Variants in MTRF1 observed in about 807,000 individuals in gnomAD.
MTRF1 encodes mitochondrial translation release factor 1, also known as peptide chain release factor 1, mitochondrial.
In MTRF1, 51 loss-of-function variants were observed where a neutral mutation model predicts 62.9. The observed-to-expected ratio is 0.81, with a 90% CI of 0.65 to 1.02. The LOEUF is 1.02. Among genes scored for constraint, MTRF1 ranks in the 50% least tolerant of loss-of-function variants. MTRF1 has a pLI of 0.00. For synonymous variants in MTRF1, 158 were observed against 181.9 expected (o/e 0.87, Z 1.06); for missense variants, 446 against 530.0 (o/e 0.84, Z 1.56).
chr13:41,298,163 T>G, the MTRF1 span, among the ~76,000 whole-genome samples: 1 of 152,208 alleles, frequency 6.6e-6, no homozygotes, highest in Non-Finnish European at 1.5e-5. Context: ...ATTGCTTTAG[T>G]TGCAAACTCA....
chr13:41,274,689 A>ATAC, the MTRF1 span, among the ~76,000 whole-genome samples: 1 of 150,290 alleles, frequency 6.7e-6, no homozygotes, highest in South Asian at 2.1e-4. Flanking sequence ...AATAATAATA[A>ATAC]TAATATTATT....
the MTRF1 span, among the ~76,000 whole-genome samples, chr13:41,294,190 C>T: frequency 2.0e-5 from 3 of 152,076 alleles, no homozygotes; most frequent in African/African-American, 7.2e-5. Context: ...GAGGCCAAGG[C>T]AGGCAGATCA....
At chr13:41,245,048 CTTCAT>C (rs1197600522) in intron 5 of MTRF1, among the ~76,000 whole-genome samples, 1 of 152,002 alleles carries the variant, frequency 6.6e-6, no homozygotes, top group Non-Finnish European at 1.5e-5. Context: ...TATTATCTTT[CTTCAT>C]TTCTTCTTGA....
intron 8 of MTRF1, among the ~76,000 whole-genome samples, chr13:41,225,438 C>T (rs1400511205): frequency 1.3e-5 from 2 of 152,102 alleles, no homozygotes; most frequent in African/African-American, 4.8e-5. Flanking sequence ...AGTGTATACA[C>T]TGATGATGCA....
the MTRF1 span, among the ~76,000 whole-genome samples, chr13:41,296,207 A>G: frequency 6.6e-6 from 1 of 152,020 alleles, no homozygotes; most frequent in African/African-American, 2.4e-5. Flanking sequence ...TGACCTCTCA[A>G]TGTGCTGGGA....
chr13:41,287,742 T>G, the MTRF1 span: 1 of 188,414 alleles, frequency 5.3e-6, no homozygotes, highest in African/African-American at 2.4e-5. Context: ...CTCAGACATT[T>G]ACAACAGCAG....
chr13:41,259,704 A>AC (rs1198398268), intron 2 of MTRF1, among the ~76,000 whole-genome samples: 2 of 148,908 alleles, frequency 1.3e-5, no homozygotes, highest in Non-Finnish European at 3.0e-5. Context: ...TCCGTCTCAA[A>AC]AAAAAAAAAA....
At chr13:41,300,889 C>A in the MTRF1 span, among the ~76,000 whole-genome samples, 1 of 152,154 alleles carries the variant, frequency 6.6e-6, no homozygotes, top group Non-Finnish European at 1.5e-5. Flanking sequence ...TGCCTTTAAA[C>A]AATTGCCTGG....
chr13:41,272,263 T>C, the MTRF1 span, among the ~76,000 whole-genome samples: 35 of 152,314 alleles, frequency 2.3e-4, 1 homozygote, highest in Admixed American at 2.0e-3. Context: ...TTCAAGTCAT[T>C]AAAAGCCTTC....
intron 5 of MTRF1, among the ~76,000 whole-genome samples, chr13:41,247,100 G>GT (rs2038369203): frequency 6.6e-6 from 1 of 152,318 alleles, no homozygotes; most frequent in East Asian, 1.9e-4. Flanking sequence ...CTCTCCAAGG[G>GT]TTTTTGTGAG....
At chr13:41,273,727 C>T in the MTRF1 span, among the ~76,000 whole-genome samples, 1 of 152,184 alleles carries the variant, frequency 6.6e-6, no homozygotes, top group South Asian at 2.1e-4. Context: ...ATCCCAGCTA[C>T]TCGGGAGGCT....
intron 9 of MTRF1, among the ~76,000 whole-genome samples, chr13:41,221,095 G>A (rs1023406602): frequency 6.6e-6 from 1 of 151,878 alleles, no homozygotes; most frequent in Non-Finnish European, 1.5e-5. Flanking sequence ...TGTTGCCCTG[G>A]GGTTAAGATC....
In MTRF1 at chr13:41,240,934, A is replaced by G. The variant is rs146817995; in HGVS notation, c.698-501T>C. Among the ~76,000 whole-genome samples, 403 of 152,352 alleles carry G rather than the reference A, an allele frequency of 2.6e-3. 2 individuals are homozygous for G. The highest frequency in any genetic ancestry group is 9.4e-3 in the African/African-American group (393 of 41,594). ...TAGGAGAATAATTTCATACTGTTGA[A>G]TAACTCTACAGATCCTCCCAAATTT... is the stretch of plus-strand genomic sequence containing the variant. On this transcript the variant is annotated intron_variant, in intron 5 of 9. Transcript: ENST00000379480.
At chr13:41,239,657 C>T (rs1172277646) in intron 6 of MTRF1, among the ~76,000 whole-genome samples, 4 of 152,162 alleles carry the variant, frequency 2.6e-5, no homozygotes, top group African/African-American at 9.7e-5. Context: ...TATTATACAA[C>T]TGACCTTGAA....
chr13:41,230,083 GAC>G (rs2035243480), intron 7 of MTRF1, among the ~76,000 whole-genome samples: 1 of 150,952 alleles, frequency 6.6e-6, no homozygotes, highest in African/African-American at 2.4e-5. Flanking sequence ...CAGCCTGAGT[GAC>G]AGAGCTAGAC....
At chr13:41,226,339 A>G (rs889295037) in intron 8 of MTRF1, 93 bp downstream of exon 8, 37 of 1,296,068 alleles carry the variant, frequency 2.9e-5, no homozygotes, top group Non-Finnish European at 3.5e-5. Flanking sequence ...GCTCTAAAAC[A>G]TTCCCATTTA....
At chr13:41,277,226 G>C in the MTRF1 span, among the ~76,000 whole-genome samples, 1 of 151,602 alleles carries the variant, frequency 6.6e-6, no homozygotes, top group African/African-American at 2.4e-5. Context: ...TCTGCCCCCA[G>C]GCTCAAGCGA....
intron 6 of MTRF1, among the ~76,000 whole-genome samples, chr13:41,239,474 C>G (rs914459366): frequency 6.6e-6 from 1 of 151,594 alleles, no homozygotes; most frequent in African/African-American, 2.4e-5. Flanking sequence ...ATATAGGAAT[C>G]AAGCAAATGT....
At chr13:41,296,315 C>T in the MTRF1 span, among the ~76,000 whole-genome samples, 2 of 152,180 alleles carry the variant, frequency 1.3e-5, no homozygotes, top group East Asian at 1.9e-4. Flanking sequence ...CTCAAGCAAT[C>T]CTCCCACCTC....
Sources: allele counts gnomAD v4.1 joint callset (sites outside exome capture counted in the v4.1 genomes callset), GRCh38; gene constraint gnomAD v4.1.1; transcripts MANE v1.5; gene names NCBI Gene and HGNC (gene_info 2026-07-23, HGNC 2026-07-21).